LGI1: variants seen among roughly 807,000 people sequenced by gnomAD.
LGI1 encodes the protein leucine-rich glioma-inactivated protein 1.
Under a neutral mutation model 57.7 loss-of-function variants are expected in LGI1, and 11 were observed. The observed-to-expected ratio is 0.19, with a 90% CI of 0.12 to 0.32. LGI1 has a LOEUF of 0.32. LGI1 is among the 10% of genes least tolerant of loss of function. The probability of loss-of-function intolerance (pLI) is 1.00; values close to 1 mark genes in which losing one functional copy is unlikely to be tolerated. For synonymous variants in LGI1, 222 were observed against 241.9 expected (o/e 0.92, Z 0.76); for missense variants, 422 against 661.9 (o/e 0.64, Z 3.98).
At chr10:93,761,215 C>A (rs1483811918) in intron 2 of LGI1, among the ~76,000 whole-genome samples, 1 of 152,110 alleles carries the variant, frequency 6.6e-6, no homozygotes, top group East Asian at 1.9e-4. Context: ...CCTGAAAACC[C>A]CATATGGGCT....
In LGI1 at chr10:93,777,587, C is replaced by T. The variant is rs2059806034; in HGVS notation, c.401C>T (p.Thr134Ile). 1 of 1,613,400 alleles carries T rather than the reference C, an allele frequency of 6.2e-7. No homozygotes were observed. The highest frequency in any genetic ancestry group is 8.5e-7 in the Non-Finnish European group (1 of 1,179,412). ...AACATCAAGTCAATTTCAAGACATA[C>T]TTTCCGGGGACTAAAGTCATTAATT... ...NNNIKSISRH[T>I]FRGLKSLIHL... is the part of the protein sequence containing the mutation. The change falls in exon 4 of 8, where the codon ACT becomes ATT. Residue 134 changes from threonine to isoleucine, a missense_variant. Thr to Ile is a moderately conservative substitution (Grantham distance 89). Around this residue, in one of 3 missense-constraint regions of LGI1, gnomAD observed 63 missense variants for 138.4 expected, o/e 0.46. Coordinates refer to ENST00000371418, the MANE Select transcript of LGI1 (RefSeq NM_005097.4).
At chr10:93,795,418 A>T (rs2059972205) in intron 7 of LGI1, among the ~76,000 whole-genome samples, 1 of 152,122 alleles carries the variant, frequency 6.6e-6, no homozygotes, top group Non-Finnish European at 1.5e-5. Context: ...GCAAAAAAAG[A>T]TCTAACAGAC....
At chr10:93,793,870 A>T (rs1325067068) in intron 7 of LGI1, 3 of 156,044 alleles carry the variant, frequency 1.9e-5, no homozygotes, top group African/African-American at 4.8e-5. Context: ...CAATAAATTC[A>T]TGAACCATAT....
chr10:93,763,784 C>T (rs1051160933), intron 2 of LGI1: 6 of 152,052 alleles, frequency 3.9e-5, no homozygotes, highest in Non-Finnish European at 7.4e-5. Flanking sequence ...TTAGACCCAC[C>T]GCTCGAATCT....
chr10:93,760,884 G>A (rs1169765328), intron 2 of LGI1, among the ~76,000 whole-genome samples: 1 of 152,154 alleles, frequency 6.6e-6, no homozygotes, highest in Non-Finnish European at 1.5e-5. Context: ...TTCTCTCCCA[G>A]TGTGTTCTCG....
chr10:93,795,135 A>C (rs1020271849), intron 7 of LGI1, among the ~76,000 whole-genome samples: 5 of 152,214 alleles, frequency 3.3e-5, no homozygotes, highest in Non-Finnish European at 7.3e-5. Context: ...ATGACTCTTT[A>C]GATGAGCACT....
chr10:93,779,108 C>T (rs2059822699), intron 4 of LGI1: 1 of 152,170 alleles, frequency 6.6e-6, no homozygotes. Context: ...GAGCTCAACA[C>T]TGCCAAACCT....
intron 2 of LGI1, 26 bp from the exon 3 acceptor site, chr10:93,777,353 T>C (rs2059803827): frequency 6.2e-7 from 1 of 1,605,872 alleles, no homozygotes; most frequent in African/African-American, 1.3e-5. Flanking sequence ...GTTTCACCAT[T>C]TTCATTGTGT....
intron 2 of LGI1, among the ~76,000 whole-genome samples, chr10:93,760,570 G>C (rs1023903774): frequency 1.3e-5 from 2 of 152,214 alleles, no homozygotes; most frequent in African/African-American, 4.8e-5. Context: ...GACATTAGCT[G>C]TGGCACAGAA....
chr10:93,789,532 CT>C (rs1202277798), intron 4 of LGI1: 1 of 155,230 alleles, frequency 6.4e-6, no homozygotes, highest in Non-Finnish European at 1.4e-5. Context: ...CTCTCGTGTT[CT>C]GTTCTAAATG....
chr10:93,761,840 T>C (rs556915211), intron 2 of LGI1, among the ~76,000 whole-genome samples: 1 of 152,102 alleles, frequency 6.6e-6, no homozygotes, highest in Admixed American at 6.5e-5. Flanking sequence ...ATGTTTTACA[T>C]AGGGCCAGTT....
rs897656309 is a variant in LGI1 at position 93,798,092 on chromosome 10, C to T, written c.*289C>T. The T allele has an allele frequency of 1.2e-5, 5 of 423,270 alleles. No individual in the cohort carries two copies. The highest frequency in any genetic ancestry group is 1.7e-5 in the Non-Finnish European group (4 of 234,076). The allele number at this position is 423,270 out of a possible 1,614,324, so 26.2% of individuals were successfully genotyped here. A position where few individuals can be genotyped will look rare whatever the true frequency, so the allele number is the denominator to read the frequency against. On this transcript the variant is annotated 3_prime_UTR_variant, in exon 8 of 8. Coordinates refer to ENST00000371418, the MANE Select transcript of LGI1 (RefSeq NM_005097.4). ...CTCCAAAAAGAAATATTAATATGTACTTTTCCATTTATTTATTCATGTGTA... is the reference window on the plus strand; with the variant it reads ...CTCCAAAAAGAAATATTAATATGTATTTTTCCATTTATTTATTCATGTGTA...
chr10:93,759,585 G>A (rs538941956), intron 2 of LGI1, among the ~76,000 whole-genome samples: 2 of 152,246 alleles, frequency 1.3e-5, no homozygotes, highest in African/African-American at 2.4e-5. Context: ...TCCTTACAGC[G>A]GTATCACATG....
At chr10:93,777,274 C>T in intron 2 of LGI1, 105 bp from the exon 3 acceptor site, 2 of 956,562 alleles carry the variant, frequency 2.1e-6, no homozygotes, top group Non-Finnish European at 1.7e-6. Context: ...GCCATGCAGA[C>T]ATTTTTCTGT....
At chr10:93,777,850 T>C (rs2059807497) in intron 4 of LGI1, among the ~76,000 whole-genome samples, 1 of 152,256 alleles carries the variant, frequency 6.6e-6, no homozygotes, top group African/African-American at 2.4e-5. Context: ...AGCAATCTAA[T>C]GCAGGGAAAT....
chr10:93,765,297 C>T (rs1404750405), intron 2 of LGI1: 1 of 152,166 alleles, frequency 6.6e-6, no homozygotes, highest in African/African-American at 2.4e-5. Flanking sequence ...GTAGATTAAA[C>T]TGTGGTTCTG....
chr10:93,766,434 C>T (rs866401961), intron 2 of LGI1, among the ~76,000 whole-genome samples: 3 of 151,864 alleles, frequency 2.0e-5, no homozygotes, highest in East Asian at 1.9e-4. Flanking sequence ...TTACAAGCCA[C>T]GCAATAAAAC....
intron 4 of LGI1, among the ~76,000 whole-genome samples, chr10:93,779,237 C>T (rs1041167808): frequency 7.3e-5 from 11 of 151,164 alleles, no homozygotes; most frequent in Non-Finnish European, 1.6e-4. Flanking sequence ...TGGCCTCTGT[C>T]CAGTGCTTAG....
chr10:93,789,995 T>C lies in LGI1; in HGVS notation c.432-104T>C, dbSNP rs1392828081. 7 of 1,120,706 alleles carry C rather than the reference T, an allele frequency of 6.2e-6. No individual in the cohort carries two copies. The Admixed American group carries it at 1.7e-4, about 26-fold the overall frequency. The allele number at this position is 1,120,706 out of a possible 1,614,324, so 69.4% of individuals were successfully genotyped here. On this transcript the variant is annotated intron_variant, in intron 4 of 7. Transcript: ENST00000371418. Reference sequence around the variant, plus strand: ...AAAAAAAGGACCACAAGTCTTTTAGTAGGCTGGAAATGACAAAAGAGACTC... The same window carrying C: ...AAAAAAAGGACCACAAGTCTTTTAGCAGGCTGGAAATGACAAAAGAGACTC...
Sources: allele counts gnomAD v4.1 joint callset (sites outside exome capture counted in the v4.1 genomes callset), GRCh38; gene constraint gnomAD v4.1.1; regional missense constraint gnomAD v4.1.1; transcripts MANE v1.5; gene names NCBI Gene and HGNC (gene_info 2026-07-23, HGNC 2026-07-21).